Variants in SLITRK3 observed in about 807,000 individuals in gnomAD.
SLITRK3 encodes SLIT and NTRK-like protein 3.
A neutral mutation model predicts 63.6 loss-of-function variants in SLITRK3; 16 were observed. That is an observed-to-expected ratio of 0.25 (90% CI 0.17 to 0.38). The LOEUF (loss-of-function observed/expected upper bound fraction) is 0.38. SLITRK3 is among the 10% of genes least tolerant of loss of function. The pLI, the probability that SLITRK3 is intolerant of heterozygous loss-of-function variation, is 1.00. For synonymous variants in SLITRK3, 547 were observed against 451.6 expected (o/e 1.21, Z -2.68); for missense variants, 1,117 against 1,181.4 (o/e 0.95, Z 0.80).
chr3:165,194,524 A>G (rs1039943968), intron 1 of SLITRK3, among the ~76,000 whole-genome samples: 2 of 152,240 alleles, frequency 1.3e-5, no homozygotes, highest in South Asian at 2.1e-4. Context: ...TATTGCTCCC[A>G]TAGGTCTTAG....
chr3:165,191,093 G>A (rs918074102), intron 1 of SLITRK3, among the ~76,000 whole-genome samples: 1 of 152,088 alleles, frequency 6.6e-6, no homozygotes, highest in Non-Finnish European at 1.5e-5. Context: ...CTTGGTAAAC[G>A]GCATATTGCA....
At chr3:165,191,535 T>C (rs1237466026) in intron 1 of SLITRK3, among the ~76,000 whole-genome samples, 1 of 152,232 alleles carries the variant, frequency 6.6e-6, no homozygotes, top group Non-Finnish European at 1.5e-5. Flanking sequence ...AATAATACAT[T>C]ATTGTCATCT....
Position 165,188,405 on chromosome 3 carries a change from C to G in SLITRK3, c.2426G>C (p.Arg809Pro). 1 of 1,613,868 alleles carries G rather than the reference C, an allele frequency of 6.2e-7. No homozygotes were observed. Among genetic ancestry groups the G allele is most frequent in the Non-Finnish European group, 8.5e-7 (1 of 1,179,972 alleles). The change falls in exon 2 of 2, where the codon CGG becomes CCG. Residue 809 changes from arginine (R) to proline (P), a missense_variant. Around this residue, in one of 4 missense-constraint regions of SLITRK3, gnomAD observed 499 missense variants for 463.6 expected, o/e 1.08. Transcript: ENST00000475390. ...ETPKENHSNY[R>P]TLLEKEKEWA... ...CTCCTTCTCTTTTTCCAGCAAGGTC[C>G]GGTAGTTACTATGGTTCTCCTTGGG...
rs778672227 is a variant in SLITRK3 at position 165,188,798 on chromosome 3, A to T, written c.2033T>A (p.Val678Glu). 1 of 1,614,194 alleles carries T rather than the reference A, an allele frequency of 6.2e-7. No individual in the cohort carries two copies. Among genetic ancestry groups the T allele is most frequent in the South Asian group, 1.1e-5 (1 of 91,082 alleles). ...CAGCTTCTTTCGACGCCTTCGGAGCACGTAGGCAAAGAGGCCTGCAGCAAC... is the reference window on the plus strand; with the variant it reads ...CAGCTTCTTTCGACGCCTTCGGAGCTCGTAGGCAAAGAGGCCTGCAGCAAC... ...VFVAAGLFAY[V>E]LRRRRKKLPF... The change falls in exon 2 of 2, where the codon GTG becomes GAG. Residue 678 changes from valine to glutamate, a missense_variant. Physicochemically the swap from Val to Glu is moderately radical, Grantham distance 121. Around this residue, in one of 4 missense-constraint regions of SLITRK3, gnomAD observed 499 missense variants for 463.6 expected, o/e 1.08. Coordinates refer to ENST00000475390, the MANE Select transcript of SLITRK3 (RefSeq NM_001318810.2).
At chr3:165,192,735 A>G (rs966070716) in intron 1 of SLITRK3, among the ~76,000 whole-genome samples, 17 of 150,690 alleles carry the variant, frequency 1.1e-4, no homozygotes, top group Admixed American at 6.6e-5. Context: ...TGGGAATGCA[A>G]TGGGCTCTTC....
rs1328483245 is a variant in SLITRK3 at position 165,190,105 on chromosome 3, T to C, written c.726A>G (p.Gln242=). Residue 242 remains glutamine (Q), a synonymous_variant, in exon 2 of 2, where the codon CAA becomes CAG. Coordinates refer to ENST00000475390, the MANE Select transcript of SLITRK3 (RefSeq NM_001318810.2). ...NPWNCTCEIV[Q]LKSWLERIPY... ...GAATGCGTTCCAGCCAACTCTTCAG[T>C]TGTACAATTTCACATGTACAGTTCC... 6.2e-7 allele frequency: 1 copy of C among 1,614,192 alleles called. No individual in the cohort carries two copies.
Position 165,188,554 on chromosome 3 carries a change from A to G in SLITRK3, c.2277T>C (p.Arg759=). Residue 759 remains arginine, a synonymous_variant, in exon 2 of 2, where the codon CGT becomes CGC. Transcript: ENST00000475390. ...QMCNNPIYKP[R]EEEEVAVSSA... ...ATGAAACAGCCACCTCCTCCTCCTC[A>G]CGAGGCTTGTAGATGGGGTTGTTGC... is the stretch of plus-strand genomic sequence containing the variant. 1 of 1,613,118 alleles carries G rather than the reference A, an allele frequency of 6.2e-7. No homozygotes were observed. Among genetic ancestry groups the G allele is most frequent in the Non-Finnish European group, 8.5e-7 (1 of 1,179,770 alleles).
chr3:165,187,107 T>A lies in SLITRK3; in HGVS notation c.*790A>T, dbSNP rs1197570253. 5 of 152,462 alleles carry A rather than the reference T, an allele frequency of 3.3e-5. No homozygotes were observed. Among genetic ancestry groups the A allele is most frequent in the Non-Finnish European group, 7.3e-5 (5 of 68,074 alleles). 9.4% of individuals were successfully genotyped at this position (152,462 alleles called of 1,614,324 possible). A position where few individuals can be genotyped will look rare whatever the true frequency, so the allele number is the denominator to read the frequency against. ...ACTTTTCCCAGGGTGGTAGGAGAGA[T>A]GCTGTGAGCTGTACACTAGCAGTGA... is the stretch of plus-strand genomic sequence containing the variant. On this transcript the variant is annotated 3_prime_UTR_variant, in exon 2 of 2. Transcript: ENST00000475390.
At chr3:165,194,499 AT>A (rs1490587691) in intron 1 of SLITRK3, among the ~76,000 whole-genome samples, 1 of 152,116 alleles carries the variant, frequency 6.6e-6, no homozygotes, top group Admixed American at 6.5e-5. Flanking sequence ...TACCCTTAAT[AT>A]TCCAGACTCA....
rs552971797 is a variant in SLITRK3, at chr3:165,188,748, C to T, written c.2083G>A (p.Gly695Ser). The change falls in exon 2 of 2, where the codon GGT becomes AGT. Residue 695 changes from glycine to serine, a missense_variant. Around this residue, in one of 4 missense-constraint regions of SLITRK3, gnomAD observed 499 missense variants for 463.6 expected, o/e 1.08. Transcript: ENST00000475390. ...ATTTGGATGCCAGTAAGGTCCACAC[C>T]TTCCTGCCGCTTGCTTCTGAAGGGC... Reference protein sequence around the residue: ...KLPFRSKRQEGVDLTGIQMQC... With the variant: ...KLPFRSKRQESVDLTGIQMQC... 4.3e-6 allele frequency: 7 copies of T among 1,614,176 alleles called. No homozygotes were observed. The highest frequency in any genetic ancestry group is 1.3e-5 in the African/African-American group (1 of 75,054).
chr3:165,187,615 T>C lies in SLITRK3; in HGVS notation c.*282A>G, dbSNP rs776929225. The stretch of plus-strand genomic sequence containing the variant: ...TACATGGCACAGTCAAAGTCTCAAG[T>C]TTCAGTATAAAAAAATAATGATAAC... On this transcript the variant is annotated 3_prime_UTR_variant, in exon 2 of 2. Transcript: ENST00000475390. 1.1e-4 allele frequency: 34 copies of C among 302,652 alleles called. No individual in the cohort carries two copies. Among genetic ancestry groups the C allele is most frequent in the Non-Finnish European group, 1.8e-4 (29 of 163,904 alleles). 18.7% of individuals were successfully genotyped at this position (302,652 alleles called of 1,614,324 possible).
In SLITRK3 at chr3:165,189,251, G is replaced by A. The variant is rs112351427; in HGVS notation, c.1580C>T (p.Thr527Ile). 1.2e-6 allele frequency: 2 copies of A among 1,614,224 alleles called. No individual in the cohort carries two copies. The highest frequency in any genetic ancestry group is 1.3e-5 in the African/African-American group (1 of 75,066). The change falls in exon 2 of 2, where the codon ACA (threonine) becomes ATA (isoleucine). Residue 527 changes from threonine (T) to isoleucine (I), a missense_variant. By Grantham distance (89) the Thr-to-Ile change is moderately conservative. Coordinates refer to ENST00000475390, the MANE Select transcript of SLITRK3 (RefSeq NM_001318810.2). This position sits in a 1 kb window ranked among gnomAD's most constrained non-coding sequence, Gnocchi z 4.0. ...RTLPTDAFAG[T>I]SLARLNLRKN... ...CCTCAGGTTGAGCCGGGCCAGGGAT[G>A]TGCCAGCAAAGGCGTCTGTTGGCAG...
In SLITRK3 at chr3:165,189,649, C is replaced by G. The variant is rs928284448; in HGVS notation, c.1182G>C (p.Glu394Asp). Reference protein sequence around the residue: ...NDLGLTVNCKERGFNNISELL... With the variant: ...NDLGLTVNCKDRGFNNISELL... ...GTTCAGAAATGTTATTAAATCCTCGCTCTTTGCAGTTGACAGTCAAGCCAA... is the reference window on the plus strand; with the variant it reads ...GTTCAGAAATGTTATTAAATCCTCGGTCTTTGCAGTTGACAGTCAAGCCAA... Residue 394 changes from glutamate (E) to aspartate (D), a missense_variant, in exon 2 of 2, where the codon GAG becomes GAC. Glu to Asp is a conservative substitution (Grantham distance 45). Transcript: ENST00000475390. The surrounding 1 kb of genome is among the most constrained non-coding windows in gnomAD (Gnocchi z 4.0). The G allele has an allele frequency of 1.9e-6, 3 of 1,614,048 alleles. No homozygotes were observed. The highest frequency in any genetic ancestry group is 2.5e-6 in the Non-Finnish European group (3 of 1,180,048).
At position 165,189,454 on chromosome 3, in the gene SLITRK3, C is replaced by T; in HGVS notation, c.1377G>A (p.Lys459=). Residue 459 remains lysine, a synonymous_variant, in exon 2 of 2, where the codon AAG becomes AAA. Coordinates refer to ENST00000475390, the MANE Select transcript of SLITRK3 (RefSeq NM_001318810.2). This position sits in a 1 kb window ranked among gnomAD's most constrained non-coding sequence, Gnocchi z 4.0. ...DGAFINLPNL[K]SLFLNGNDIE... is the part of the protein sequence containing the mutation. ...TATCGTTGCCATTAAGGAAGAGGCTCTTTAAGTTGGGCAAGTTGATAAAGG... is the reference window on the plus strand; with the variant it reads ...TATCGTTGCCATTAAGGAAGAGGCTTTTTAAGTTGGGCAAGTTGATAAAGG... 1.2e-6 allele frequency: 2 copies of T among 1,613,304 alleles called. No individual in the cohort carries two copies. Among genetic ancestry groups the T allele is most frequent in the Non-Finnish European group, 1.7e-6 (2 of 1,180,018 alleles).
Position 165,192,112 on chromosome 3 carries a change from A to G in SLITRK3, c.-21-1261T>C, listed in dbSNP as rs187002445. Among the ~76,000 whole-genome samples, 244 of 152,354 alleles carry G rather than the reference A, an allele frequency of 1.6e-3. 1 individual carries two copies. Among genetic ancestry groups the G allele is most frequent in the African/African-American group, 5.6e-3 (233 of 41,586 alleles). Reference sequence around the variant, plus strand: ...ACAAAAATAAACCAAAGTTTCTAGCATATATTTTCCTCATAGAGAGCACAC... The same window carrying G: ...ACAAAAATAAACCAAAGTTTCTAGCGTATATTTTCCTCATAGAGAGCACAC... On this transcript the variant is annotated intron_variant, in intron 1 of 1. Transcript: ENST00000475390.
In SLITRK3 at chr3:165,190,462, A is replaced by T; in HGVS notation, c.369T>A (p.Gly123=). The T allele has an allele frequency of 6.2e-7, 1 of 1,613,856 alleles. No homozygotes were observed. The highest frequency in any genetic ancestry group is 2.2e-5 in the East Asian group (1 of 44,858). ...LQDIQTGAFN[G]LKILKRLYLH... The stretch of plus-strand genomic sequence containing the variant: ...GATATAGTCTCTTTAAAATCTTAAG[A>T]CCATTGAAAGCTCCAGTCTGAATGT... Residue 123 remains glycine (G), a synonymous_variant, in exon 2 of 2, where the codon GGT becomes GGA. Coordinates refer to ENST00000475390, the MANE Select transcript of SLITRK3 (RefSeq NM_001318810.2).
rs753580321 is a variant in SLITRK3, at chr3:165,190,014, G to A, written c.817C>T (p.Arg273Ter). ...CAGAGTTCTGTCTTCCTGATTTCTCGTAGGTCCTTTCCATGGAAGTGGAAA... is the reference window on the plus strand; with the variant it reads ...CAGAGTTCTGTCTTCCTGATTTCTCATAGGTCCTTTCCATGGAAGTGGAAA... ...TPFHFHGKDL[R>*]EIRKTELCPL... Residue 273 changes from arginine to a stop codon, truncating the protein, a stop_gained, in exon 2 of 2, where the codon CGA (arginine) becomes TGA (stop). Transcript: ENST00000475390. LOFTEE classifies it high-confidence loss of function. The A allele has an allele frequency of 6.2e-7, 1 of 1,614,080 alleles. No individual in the cohort carries two copies. Among genetic ancestry groups the A allele is most frequent in the Non-Finnish European group, 8.5e-7 (1 of 1,180,022 alleles).
intron 1 of SLITRK3, among the ~76,000 whole-genome samples, chr3:165,193,279 T>G (rs1718305691): frequency 2.9e-4 from 1 of 3,460 alleles, no homozygotes; most frequent in Non-Finnish European, 6.8e-4. Flanking sequence ...GATAGGCATT[T>G]TCTTTCTTTC....
chr3:165,189,099 C>T lies in SLITRK3; in HGVS notation c.1732G>A (p.Glu578Lys), dbSNP rs998593651. Reference protein sequence around the residue: ...CDLVPFKQWIETISSVSVVGD... With the variant: ...CDLVPFKQWIKTISSVSVVGD... ...ACCACACTGACTGAGCTGATGGTTT[C>T]GATCCACTGTTTAAAGGGGACCAGG... Residue 578 changes from glutamate to lysine, a missense_variant, in exon 2 of 2, where the codon GAA (glutamate) becomes AAA (lysine). Glu to Lys is a moderately conservative substitution (Grantham distance 56). Around this residue, in one of 4 missense-constraint regions of SLITRK3, gnomAD observed 158 missense variants for 197.2 expected, o/e 0.80. Coordinates refer to ENST00000475390, the MANE Select transcript of SLITRK3 (RefSeq NM_001318810.2). This position sits in a 1 kb window ranked among gnomAD's most constrained non-coding sequence, Gnocchi z 4.0. 1 of 1,614,160 alleles carries T rather than the reference C, an allele frequency of 6.2e-7. No individual in the cohort carries two copies. Among genetic ancestry groups the T allele is most frequent in the Non-Finnish European group, 8.5e-7 (1 of 1,180,024 alleles).
Sources: allele counts gnomAD v4.1 joint callset (sites outside exome capture counted in the v4.1 genomes callset), GRCh38; gene constraint gnomAD v4.1.1; regional missense constraint gnomAD v4.1.1; non-coding constraint Gnocchi (gnomAD v3.1); transcripts MANE v1.5; gene names NCBI Gene and HGNC (gene_info 2026-07-23, HGNC 2026-07-21).